PTPRN2: variants seen among roughly 807,000 people sequenced by gnomAD.
PTPRN2 encodes protein tyrosine phosphatase receptor type N2, also known as receptor-type tyrosine-protein phosphatase N2.
Under a neutral mutation model 118.8 loss-of-function variants are expected in PTPRN2, and 74 were observed. That is an observed-to-expected ratio of 0.62 (90% CI 0.52 to 0.76). The LOEUF (loss-of-function observed/expected upper bound fraction) is 0.76, where lower values mean the gene tolerates loss of function less well. Ranked by LOEUF, PTPRN2 falls within the 30% of genes least tolerant of loss-of-function variation. The pLI is 0.00. For synonymous variants in PTPRN2, 641 were observed against 608.0 expected, an observed-to-expected ratio of 1.05 and a Z score of -0.80; for missense variants, 1,481 against 1,394.4, an observed-to-expected ratio of 1.06 and a Z score of -0.99.
At chr7:157,855,753 G>A (rs1809668101) in intron 12 of PTPRN2, among the ~76,000 whole-genome samples, 4 of 152,210 alleles carry the variant, frequency 2.6e-5, no homozygotes, top group Admixed American at 2.6e-4. Context: ...GCGATACAAA[G>A]TCACTTTTAG....
At chr7:157,668,146 G>T (rs899469676) in intron 13 of PTPRN2, among the ~76,000 whole-genome samples, 1 of 152,264 alleles carries the variant, frequency 6.6e-6, no homozygotes, top group African/African-American at 2.4e-5. Context: ...GGCCCTGGGC[G>T]TGTCCGCAGA....
chr7:157,980,725 C>A (rs1563293814), intron 11 of PTPRN2, among the ~76,000 whole-genome samples: 1 of 152,180 alleles, frequency 6.6e-6, no homozygotes. Context: ...TGCACTCCAG[C>A]CTGAGCAACA....
chr7:157,910,649 C>A (rs1177667913), intron 11 of PTPRN2, among the ~76,000 whole-genome samples: 2 of 152,224 alleles, frequency 1.3e-5, no homozygotes, highest in Non-Finnish European at 2.9e-5. Flanking sequence ...CAAAGCAAAC[C>A]CATGCACAGC....
intron 5 of PTPRN2, among the ~76,000 whole-genome samples, chr7:158,188,277 T>G (rs113656241): frequency 0.14 from 3,242 of 23,482 alleles, 477 homozygotes; most frequent in East Asian, 0.23. Context: ...GCCCCCTGTA[T>G]GGGGAAGGCC....
intron 17 of PTPRN2, among the ~76,000 whole-genome samples, chr7:157,580,607 A>G (rs1800309352): frequency 1.6e-5 from 2 of 125,768 alleles, no homozygotes. Flanking sequence ...TGCACACCCC[A>G]GCCCCTGCAC....
At chr7:157,837,835 G>A (rs894138917) in intron 12 of PTPRN2, among the ~76,000 whole-genome samples, 15 of 152,240 alleles carry the variant, frequency 9.9e-5, no homozygotes, top group East Asian at 5.8e-4. Context: ...GGTGGGTCCC[G>A]TGGATCTCAC....
At chr7:158,340,760 ACC>A (rs1806583537) in intron 2 of PTPRN2, among the ~76,000 whole-genome samples, 1 of 82,378 alleles carries the variant, frequency 1.2e-5, no homozygotes, top group African/African-American at 5.1e-5. Context: ...CGTCACACAC[ACC>A]CACACTCTCA....
At chr7:157,692,506 C>T (rs1224900719) in intron 12 of PTPRN2, among the ~76,000 whole-genome samples, 2 of 152,250 alleles carry the variant, frequency 1.3e-5, no homozygotes, top group African/African-American at 4.8e-5. Flanking sequence ...CCGTCCGCTG[C>T]AGGCCCCTGT....
At chr7:157,739,875 C>G (rs77219709) in intron 12 of PTPRN2, among the ~76,000 whole-genome samples, 2,944 of 152,344 alleles carry the variant, frequency 0.019, 86 homozygotes, top group African/African-American at 0.064. Flanking sequence ...TCCACCCCCT[C>G]TGCGTGCTCA....
chr7:158,261,807 G>A (rs995729149), intron 3 of PTPRN2, among the ~76,000 whole-genome samples: 2 of 152,188 alleles, frequency 1.3e-5, no homozygotes, highest in African/African-American at 2.4e-5. Flanking sequence ...CAGGCACTAC[G>A]GACGATTTTA....
intron 2 of PTPRN2, among the ~76,000 whole-genome samples, chr7:158,363,955 G>T (rs923736246): frequency 2.0e-5 from 3 of 152,138 alleles, no homozygotes; most frequent in Non-Finnish European, 4.4e-5. Flanking sequence ...AGACACACAT[G>T]CACATGGGGA....
intron 11 of PTPRN2, among the ~76,000 whole-genome samples, chr7:157,971,812 C>T (rs1795669020): frequency 6.6e-6 from 1 of 152,218 alleles, no homozygotes; most frequent in African/African-American, 2.4e-5. Context: ...GCAAAAAGAA[C>T]TCCCCAGGGA....
rs1455213656 is a variant in PTPRN2, at chr7:157,869,301, C to T, written c.1788+29372G>A. 1 of 152,130 alleles carries T rather than the reference C, an allele frequency of 6.6e-6. No homozygotes were observed. The highest frequency in any genetic ancestry group is 1.5e-5 in the Non-Finnish European group (1 of 68,026). 9.4% of individuals were successfully genotyped at this position (152,130 alleles called of 1,614,324 possible). On this transcript the variant is annotated intron_variant, in intron 12 of 22. Transcript: ENST00000389418. This position sits in a 1 kb window ranked among gnomAD's most constrained non-coding sequence, Gnocchi z 4.2. ...TCCAGGCCGCTCACTTATCCCCATG[C>T]ATATAAAATTCCTAGGGATAATTTC...
intron 9 of PTPRN2, among the ~76,000 whole-genome samples, chr7:158,127,458 C>T (rs921605272): frequency 9.9e-5 from 15 of 152,150 alleles, no homozygotes; most frequent in African/African-American, 3.1e-4. Context: ...GGGGCGTTTG[C>T]CACATTCTAG....
intron 1 of PTPRN2, among the ~76,000 whole-genome samples, chr7:158,577,818 C>T (rs192339553): frequency 3.1e-3 from 471 of 152,350 alleles, no homozygotes; most frequent in Non-Finnish European, 4.3e-3. Flanking sequence ...GACTCTGACA[C>T]AATCCTAAGT....
In PTPRN2 at chr7:157,540,787, T is replaced by G. The variant is rs1156597615; in HGVS notation, c.2977-2A>C. On this transcript the variant is annotated splice_acceptor_variant, in intron 22 of 22. Transcript: ENST00000389418. LOFTEE classifies it high-confidence loss of function. ...TGTCAGCGCGAACTCAAACTGCTCC[T>G]GCAGGGCGAGAAACGAGAGAAGTGC... The G allele has an allele frequency of 6.4e-7, 1 of 1,560,034 alleles. No homozygotes were observed. Among genetic ancestry groups the G allele is most frequent in the Non-Finnish European group, 8.7e-7 (1 of 1,151,392 alleles).
In PTPRN2 at chr7:158,188,701, G is replaced by A. The variant is rs574362111; in HGVS notation, c.549+3626C>T. Among the ~76,000 whole-genome samples, 563 of 135,984 alleles carry A rather than the reference G, an allele frequency of 4.1e-3. 2 individuals carry two copies. The highest frequency in any genetic ancestry group is 0.014 in the African/African-American group (519 of 36,006). 89.2% of individuals were successfully genotyped at this position (135,984 alleles called of 152,430 possible). ...CCCCCTGTACTGGAAAGGCCGCCAC[G>A]CCCGCCCCCTGTAGGGGGAAGGCCG... On this transcript the variant is annotated intron_variant, in intron 5 of 22. Coordinates refer to ENST00000389418, the MANE Select transcript of PTPRN2 (RefSeq NM_002847.5).
At chr7:157,693,012 G>A (rs1048371929) in intron 12 of PTPRN2, among the ~76,000 whole-genome samples, 2 of 151,972 alleles carry the variant, frequency 1.3e-5, no homozygotes, top group African/African-American at 4.8e-5. Context: ...CCCCAGCCAG[G>A]CTCCAGGGCG....
At chr7:157,745,860 T>C (rs1638742) in intron 12 of PTPRN2, among the ~76,000 whole-genome samples, 17,372 of 152,112 alleles carry the variant, frequency 0.11, 1,204 homozygotes, top group Admixed American at 0.21. Context: ...GCTCCTTCTC[T>C]GGCTGCAGGA....
Sources: allele counts gnomAD v4.1 joint callset (sites outside exome capture counted in the v4.1 genomes callset), GRCh38; gene constraint gnomAD v4.1.1; non-coding constraint Gnocchi (gnomAD v3.1); transcripts MANE v1.5; gene names NCBI Gene and HGNC (gene_info 2026-07-23, HGNC 2026-07-21).